The following MACROD2 variants were observed in gnomAD, a reference collection of about 807,000 sequenced individuals.
MACROD2 encodes the protein ADP-ribose glycohydrolase MACROD2.
Under a neutral mutation model 70.4 loss-of-function variants are expected in MACROD2, and 36 were observed. The observed-to-expected ratio is 0.51, with a 90% CI of 0.39 to 0.68. The LOEUF is 0.68. Ranked by LOEUF, MACROD2 falls within the 30% of genes least tolerant of loss-of-function variation. The probability of loss-of-function intolerance (pLI) is 0.00; values close to 1 mark genes in which losing one functional copy is unlikely to be tolerated. For missense variants in MACROD2, 496 were observed against 538.4 expected (o/e 0.92, Z 0.78); for synonymous variants, 172 against 178.8 (o/e 0.96, Z 0.30).
intron 5 of MACROD2, among the ~76,000 whole-genome samples, chr20:14,854,843 C>G (rs1354920999): frequency 6.6e-6 from 1 of 152,040 alleles, no homozygotes. Context: ...GGTGAAACCC[C>G]ATCTCTACTA....
chr20:14,192,796 T>C (rs989977627), intron 3 of MACROD2, among the ~76,000 whole-genome samples: 1 of 152,174 alleles, frequency 6.6e-6, no homozygotes, highest in African/African-American at 2.4e-5. Context: ...GGCAAATTAC[T>C]GGACTGGGAA....
At chr20:14,614,666 A>T (rs528390517) in intron 4 of MACROD2, among the ~76,000 whole-genome samples, 2 of 152,224 alleles carry the variant, frequency 1.3e-5, no homozygotes, top group South Asian at 4.1e-4. Flanking sequence ...AAACATGTTG[A>T]TGATATTTTA....
intron 5 of MACROD2, among the ~76,000 whole-genome samples, chr20:14,804,754 A>G (rs1462798636): frequency 6.6e-6 from 1 of 152,010 alleles, no homozygotes; most frequent in Non-Finnish European, 1.5e-5. Flanking sequence ...CGTGGTCACT[A>G]GTGACTGTGC....
chr20:14,127,769 A>C, intron 3 of MACROD2: 3 of 443,190 alleles, frequency 6.8e-6, no homozygotes, highest in Non-Finnish European at 1.3e-5. Context: ...AAGGAGGAGC[A>C]GGAGAAGAAG....
At position 15,664,551 on chromosome 20, in the gene MACROD2, G is replaced by A. The variant is rs754035133; in HGVS notation, c.645+164704G>A. 8.0e-4 allele frequency among the ~76,000 whole-genome samples: 121 copies of A among 152,122 alleles called. 2 individuals carry two copies. The highest frequency in any genetic ancestry group is 4.1e-4 in the South Asian group (2 of 4,828). On this transcript the variant is annotated intron_variant, in intron 8 of 17. Transcript: ENST00000684519. Reference sequence around the variant, plus strand: ...ACTTACATGTCTGGGGCTGGCTGGGGTTGGCTGACCTAGTCTGGCCTTGCC... The same window carrying A: ...ACTTACATGTCTGGGGCTGGCTGGGATTGGCTGACCTAGTCTGGCCTTGCC...
At chr20:14,216,210 A>C (rs761031525) in intron 3 of MACROD2, among the ~76,000 whole-genome samples, 4 of 152,128 alleles carry the variant, frequency 2.6e-5, no homozygotes, top group Non-Finnish European at 4.4e-5. Flanking sequence ...ATCCAGTTTC[A>C]TTCTCCTACA....
At chr20:14,077,856 A>G (rs2053933135) in intron 2 of MACROD2, among the ~76,000 whole-genome samples, 1 of 146,870 alleles carries the variant, frequency 6.8e-6, no homozygotes, top group African/African-American at 2.5e-5. Context: ...TTCTTGGAAT[A>G]TTGGTCTGTT....
In MACROD2 at chr20:13,995,928, G is replaced by C. The variant is rs1424626556; in HGVS notation, c.46+119G>C. 2 of 1,189,366 alleles carry C rather than the reference G, an allele frequency of 1.7e-6. No individual in the cohort carries two copies. The highest frequency in any genetic ancestry group is 1.5e-5 in the African/African-American group (1 of 65,586). 73.7% of individuals were successfully genotyped at this position (1,189,366 alleles called of 1,614,324 possible). On this transcript the variant is annotated intron_variant, in intron 1 of 17. Coordinates refer to ENST00000684519, the MANE Select transcript of MACROD2 (RefSeq NM_001351661.2). The surrounding 1 kb of genome is among the most constrained non-coding windows in gnomAD (Gnocchi z 4.3). ...GCTCCCGCCTCGCGCCCTCCCGGCCGGTGCCGCCTCCCTCCGGTGTCCGTG... is the reference window on the plus strand; with the variant it reads ...GCTCCCGCCTCGCGCCCTCCCGGCCCGTGCCGCCTCCCTCCGGTGTCCGTG...
chr20:15,247,397 TGGG>T (rs909520083), intron 6 of MACROD2, among the ~76,000 whole-genome samples: 8 of 152,096 alleles, frequency 5.3e-5, no homozygotes, highest in African/African-American at 1.9e-4. Context: ...GTTGGGTAAT[TGGG>T]GGTGTCACAT....
At chr20:15,839,128 A>G (rs2064144763) in intron 8 of MACROD2, among the ~76,000 whole-genome samples, 1 of 152,170 alleles carries the variant, frequency 6.6e-6, no homozygotes, top group Non-Finnish European at 1.5e-5. Context: ...GTGAAAGCCT[A>G]ATTTTTTATC....
intron 8 of MACROD2, among the ~76,000 whole-genome samples, chr20:15,564,220 G>C (rs2048281699): frequency 6.6e-6 from 1 of 152,154 alleles, no homozygotes; most frequent in African/African-American, 2.4e-5. Context: ...AAACCAGCCT[G>C]ACTTTCAGAC....
rs540970240 is a variant in MACROD2, at chr20:14,043,765, G to GA, written c.163+41365dup. ...GCAGCTTCAAGATGGAAAGGCAGGG[G>GA]AAAATTCCTGCCTTGGGGAGAAAAA... On this transcript the variant is annotated intron_variant, in intron 2 of 17. Coordinates refer to ENST00000684519, the MANE Select transcript of MACROD2 (RefSeq NM_001351661.2). Among the ~76,000 whole-genome samples the GA allele has an allele frequency of 2.0e-5, 3 of 152,252 alleles. No homozygotes were observed. The South Asian group carries it at 6.2e-4, about 32-fold the overall frequency.
intron 3 of MACROD2, among the ~76,000 whole-genome samples, chr20:14,354,477 C>T (rs2083154462): frequency 6.6e-6 from 1 of 152,066 alleles, no homozygotes; most frequent in South Asian, 2.1e-4. Flanking sequence ...TCAGCCTTTG[C>T]TTGCTATATC....
chr20:15,980,874 A>T (rs1471580354), intron 13 of MACROD2, among the ~76,000 whole-genome samples: 1 of 152,164 alleles, frequency 6.6e-6, no homozygotes, highest in Non-Finnish European at 1.5e-5. Context: ...TTTATTAGTG[A>T]TGATTTCTAA....
intron 5 of MACROD2, among the ~76,000 whole-genome samples, chr20:14,862,644 T>TATATATATAAATATATATATAA (rs1555840103): frequency 1.3e-3 from 13 of 9,970 alleles, no homozygotes; most frequent in African/African-American, 4.3e-3. Context: ...TATATATAAA[T>TATATATATAAATATATATATAA]ATATATATAT....
chr20:15,519,514 G>A (rs1479165548), intron 8 of MACROD2, among the ~76,000 whole-genome samples: 1 of 152,138 alleles, frequency 6.6e-6, no homozygotes, highest in Non-Finnish European at 1.5e-5. Context: ...GAGAATTTCT[G>A]TAAAACAATT....
intron 8 of MACROD2, among the ~76,000 whole-genome samples, chr20:15,755,219 G>T (rs2051331304): frequency 6.6e-6 from 1 of 152,182 alleles, no homozygotes; most frequent in Non-Finnish European, 1.5e-5. Flanking sequence ...TGGGAGCCAT[G>T]CTTTGGGAAT....
At chr20:14,680,422 AG>A (rs546762576) in intron 4 of MACROD2, among the ~76,000 whole-genome samples, 51 of 152,328 alleles carry the variant, frequency 3.3e-4, no homozygotes, top group African/African-American at 1.1e-3. Flanking sequence ...GCTATGCGGT[AG>A]GAGTAAAGAC....
intron 3 of MACROD2, among the ~76,000 whole-genome samples, chr20:14,115,255 G>A (rs1396645744): frequency 6.6e-6 from 1 of 152,008 alleles, no homozygotes; most frequent in Non-Finnish European, 1.5e-5. Context: ...TACCATCACT[G>A]TCACTGTGAT....
Sources: gnomAD v4.1 joint callset for allele counts (sites outside exome capture counted in the v4.1 genomes callset) on GRCh38, gnomAD v4.1.1 for gene constraint, Gnocchi (gnomAD v3.1) non-coding constraint, MANE v1.5 for transcripts, NCBI Gene and HGNC (gene_info 2026-07-23, HGNC 2026-07-21) for gene names.